The following EFCAB6 variants were observed in gnomAD, a reference collection of about 807,000 sequenced individuals.
EFCAB6 encodes the protein EF-hand calcium-binding domain-containing protein 6.
Under a neutral mutation model 169.8 loss-of-function variants are expected in EFCAB6, and 156 were observed. The ratio of observed to expected loss-of-function variants is 0.92; its 90% CI spans 0.81 to 1.05. The LOEUF is 1.05. EFCAB6 is among the 50% of genes least tolerant of loss of function. The probability of loss-of-function intolerance (pLI) is 0.00; values close to 1 mark genes in which losing one functional copy is unlikely to be tolerated. For missense variants in EFCAB6, 1,800 were observed against 1,829.1 expected, an observed-to-expected ratio of 0.98 and a Z score of 0.29; for synonymous variants, 698 against 676.4, an observed-to-expected ratio of 1.03 and a Z score of -0.50.
intron 17 of EFCAB6, among the ~76,000 whole-genome samples, chr22:43,648,887 T>A (rs150263288): frequency 3.3e-5 from 5 of 152,254 alleles, no homozygotes; most frequent in African/African-American, 4.8e-5. Context: ...TAGGCACTGA[T>A]TTAGATGCTA....
chr22:43,784,529 G>T, intron 2 of EFCAB6, among the ~76,000 whole-genome samples: 1 of 118,342 alleles, frequency 8.5e-6, no homozygotes, highest in Non-Finnish European at 1.8e-5. Flanking sequence ...GTGTGTGTGT[G>T]TGTGTGTGTG....
At chr22:43,682,019 T>C (rs1442323949) in intron 12 of EFCAB6, among the ~76,000 whole-genome samples, 1 of 152,176 alleles carries the variant, frequency 6.6e-6, no homozygotes, top group Non-Finnish European at 1.5e-5. Context: ...TCCCTCTCTA[T>C]AGCAGGAGAG....
intron 17 of EFCAB6, among the ~76,000 whole-genome samples, chr22:43,647,140 T>G (rs1361084422): frequency 9.3e-6 from 1 of 107,354 alleles, no homozygotes; most frequent in Non-Finnish European, 1.7e-5. Context: ...AAAAACATTC[T>G]ATACAAAAAC....
chr22:43,791,865 G>A (rs2062305382), intron 2 of EFCAB6, among the ~76,000 whole-genome samples: 1 of 152,170 alleles, frequency 6.6e-6, no homozygotes, highest in African/African-American at 2.4e-5. Flanking sequence ...TCTTCAAGAT[G>A]GGAGAATCAG....
chr22:43,788,839 A>G (rs1012325951), intron 2 of EFCAB6, among the ~76,000 whole-genome samples: 3 of 152,366 alleles, frequency 2.0e-5, no homozygotes, highest in Middle Eastern at 3.4e-3. Context: ...CCAAACTTCC[A>G]TCAGTGGGTG....
intron 17 of EFCAB6, among the ~76,000 whole-genome samples, chr22:43,644,225 G>C (rs2056001301): frequency 6.6e-6 from 1 of 152,086 alleles, no homozygotes; most frequent in African/African-American, 2.4e-5. Context: ...CAAGCTCTTT[G>C]AGCAGGAGAT....
intron 21 of EFCAB6, among the ~76,000 whole-genome samples, chr22:43,611,669 A>T (rs887247159): frequency 6.6e-6 from 1 of 152,116 alleles, no homozygotes; most frequent in Non-Finnish European, 1.5e-5. Flanking sequence ...GTGGTGGCAC[A>T]TGTCTGTGGT....
chr22:43,528,891 T>C lies in EFCAB6; in HGVS notation c.4468A>G (p.Ile1490Val), dbSNP rs148598016. ...GCCCGGAGGAAGTCGTTGTAGGAGA[T>C]TTTTGAAGACAGCGTCTTATCGTAA... is the stretch of plus-strand genomic sequence containing the variant. The part of the protein sequence containing the change: ...EYYDKTLSSK[I>V]SYNDFLRAFL... The change falls in exon 32 of 32, where the codon ATC (isoleucine) becomes GTC (valine). Residue 1490 changes from isoleucine to valine, a missense_variant. Transcript: ENST00000262726. 1.7e-5 allele frequency: 27 copies of C among 1,611,244 alleles called. No homozygotes were observed. The highest frequency in any genetic ancestry group is 1.7e-5 in the Admixed American group (1 of 59,964).
intron 9 of EFCAB6, among the ~76,000 whole-genome samples, chr22:43,715,098 A>G (rs1440792262): frequency 6.6e-6 from 1 of 152,208 alleles, no homozygotes; most frequent in Non-Finnish European, 1.5e-5. Context: ...TCTGAAATGG[A>G]AACATCCTTC....
intron 26 of EFCAB6, among the ~76,000 whole-genome samples, chr22:43,563,327 A>G (rs2147141874): frequency 6.6e-6 from 1 of 152,318 alleles, no homozygotes; most frequent in Admixed American, 6.5e-5. Flanking sequence ...ACCTCTTTGG[A>G]AAGTTCAAGA....
At chr22:43,692,739 T>C (rs1569400178) in intron 10 of EFCAB6, among the ~76,000 whole-genome samples, 1 of 151,912 alleles carries the variant, frequency 6.6e-6, no homozygotes, top group Non-Finnish European at 1.5e-5. Flanking sequence ...CTTAAAAACA[T>C]GTTATATAAT....
At chr22:43,766,010 A>G (rs1321233005) in intron 4 of EFCAB6, among the ~76,000 whole-genome samples, 2 of 152,148 alleles carry the variant, frequency 1.3e-5, no homozygotes, top group African/African-American at 4.8e-5. Flanking sequence ...GATACAAGCA[A>G]CTTCCCCTCA....
chr22:43,696,677 G>A (rs993371644), intron 10 of EFCAB6, among the ~76,000 whole-genome samples: 1 of 152,154 alleles, frequency 6.6e-6, no homozygotes, highest in African/African-American at 2.4e-5. Context: ...AACATGGTAA[G>A]TCAAAGTGGT....
intron 22 of EFCAB6, among the ~76,000 whole-genome samples, chr22:43,606,532 C>T (rs1265389045): frequency 1.3e-5 from 2 of 152,184 alleles, no homozygotes; most frequent in African/African-American, 2.4e-5. Context: ...CCCTGGGTGA[C>T]AGGGAACATC....
chr22:43,811,580 C>G (rs1569499420), intron 1 of EFCAB6, among the ~76,000 whole-genome samples: 1 of 152,000 alleles, frequency 6.6e-6, no homozygotes, highest in African/African-American at 2.4e-5. Flanking sequence ...CTGAGGGAGG[C>G]AGGGGTAATT....
chr22:43,714,697 T>C (rs1603267300), intron 9 of EFCAB6, among the ~76,000 whole-genome samples: 1 of 152,272 alleles, frequency 6.6e-6, no homozygotes, highest in East Asian at 1.9e-4. Context: ...GGACGGATTA[T>C]AGCCAGCCAA....
chr22:43,749,515 T>C (rs1310405873), intron 6 of EFCAB6, among the ~76,000 whole-genome samples: 1 of 152,016 alleles, frequency 6.6e-6, no homozygotes, highest in East Asian at 1.9e-4. Flanking sequence ...AGACACTAGT[T>C]AGATGGTTCT....
At chr22:43,626,299 T>A in intron 20 of EFCAB6, 148 bp downstream of exon 20, 10 of 776,408 alleles carry the variant, frequency 1.3e-5, no homozygotes, top group Non-Finnish European at 1.8e-5. Context: ...GAGTGCATAT[T>A]TCTTGTATGA....
intron 10 of EFCAB6, among the ~76,000 whole-genome samples, chr22:43,698,281 A>C (rs1254861619): frequency 1.3e-5 from 2 of 152,154 alleles, no homozygotes; most frequent in African/African-American, 4.8e-5. Flanking sequence ...GACAGCTGGT[A>C]AAGATTACAC....
Sources: gnomAD v4.1 joint callset for allele counts (sites outside exome capture counted in the v4.1 genomes callset) on GRCh38, gnomAD v4.1.1 for gene constraint, MANE v1.5 for transcripts, NCBI Gene and HGNC (gene_info 2026-07-23, HGNC 2026-07-21) for gene names.